Variants in BBS9 observed in about 807,000 individuals in gnomAD.
BBS9 encodes Bardet-Biedl syndrome 9.
In BBS9, 89 loss-of-function variants were observed where a neutral mutation model predicts 117.7. The observed-to-expected ratio is 0.76, with a 90% CI of 0.64 to 0.90. The LOEUF (loss-of-function observed/expected upper bound fraction) is 0.90, where lower values mean the gene tolerates loss of function less well. Among genes scored for constraint, BBS9 ranks in the 40% least tolerant of loss-of-function variants. The pLI, the probability that BBS9 is intolerant of heterozygous loss-of-function variation, is 0.00. For synonymous variants in BBS9, 379 were observed against 370.9 expected (o/e 1.02, Z -0.25); for missense variants, 982 against 1,042.2 (o/e 0.94, Z 0.80).
chr7:33,299,768 A>G (rs1311302148), intron 9 of BBS9, among the ~76,000 whole-genome samples: 6 of 152,122 alleles, frequency 3.9e-5, no homozygotes, highest in Admixed American at 3.3e-4. Flanking sequence ...AGGTACTACT[A>G]GTATTTTTTT....
intron 20 of BBS9, among the ~76,000 whole-genome samples, chr7:33,515,586 A>T (rs753171806): frequency 6.6e-6 from 1 of 152,250 alleles, no homozygotes; most frequent in African/African-American, 2.4e-5. Flanking sequence ...AAAGTCAGCA[A>T]GAAATTTTAG....
At chr7:33,405,241 G>T (rs938255168) in intron 19 of BBS9, among the ~76,000 whole-genome samples, 16 of 152,158 alleles carry the variant, frequency 1.1e-4, no homozygotes, top group African/African-American at 3.9e-4. Context: ...GCTGTATTCG[G>T]TTTGCCAGTA....
At chr7:33,295,292 T>G (rs1805028637) in intron 9 of BBS9, among the ~76,000 whole-genome samples, 1 of 152,110 alleles carries the variant, frequency 6.6e-6, no homozygotes, top group Non-Finnish European at 1.5e-5. Flanking sequence ...ATACACAATT[T>G]TTGGTACTTA....
chr7:33,323,920 C>T (rs1182381048), intron 9 of BBS9, among the ~76,000 whole-genome samples: 2 of 150,404 alleles, frequency 1.3e-5, no homozygotes, highest in East Asian at 3.9e-4. Flanking sequence ...TCACTGCAAC[C>T]TCTGCCTCAC....
intron 5 of BBS9, among the ~76,000 whole-genome samples, chr7:33,246,327 TGG>T (rs779235831): frequency 1.1e-4 from 16 of 151,886 alleles, no homozygotes; most frequent in Non-Finnish European, 1.8e-4. Context: ...ATTAATTAAT[TGG>T]TCACAGTGAG....
At position 33,605,411 on chromosome 7, in the gene BBS9, G is replaced by T; in HGVS notation, c.*185G>T. 1 of 659,218 alleles carries T rather than the reference G, an allele frequency of 1.5e-6. No individual in the cohort carries two copies. The highest frequency in any genetic ancestry group is 2.5e-5 in the Admixed American group (1 of 40,336). The allele number at this position is 659,218 out of a possible 1,614,324, so 40.8% of individuals were successfully genotyped here. A position where few individuals can be genotyped will look rare whatever the true frequency, so the allele number is the denominator to read the frequency against. ...TCACTAGGAGAACTTGTAACACCAT[G>T]GGGAAGTCAGCTGAAACTTGTCTTG... On this transcript the variant is annotated 3_prime_UTR_variant, in exon 23 of 23. Transcript: ENST00000242067.
intron 10 of BBS9, among the ~76,000 whole-genome samples, chr7:33,339,636 T>G (rs1291822570): frequency 1.3e-5 from 2 of 152,108 alleles, no homozygotes; most frequent in Admixed American, 1.3e-4. Context: ...ATTCTAGGTG[T>G]TATGTGCAGA....
rs1851035876 is a variant in BBS9 at position 33,534,290 on chromosome 7, A to G, written c.2521+114A>G. The G allele has an allele frequency of 3.5e-6, 4 of 1,149,688 alleles. No individual in the cohort carries two copies. In the South Asian group the frequency reaches 5.3e-5, roughly 15 times the overall value. 71.2% of individuals were successfully genotyped at this position (1,149,688 alleles called of 1,614,324 possible). ...TCATATTAAAGTGATGATAGCCAAG[A>G]AAATTGATTTCACGTTTCCCCTCTG... is the stretch of plus-strand genomic sequence containing the variant. On this transcript the variant is annotated intron_variant, in intron 21 of 22. Transcript: ENST00000242067.
chr7:33,594,673 C>T (rs1862446915), intron 21 of BBS9, among the ~76,000 whole-genome samples: 1 of 152,054 alleles, frequency 6.6e-6, no homozygotes, highest in East Asian at 1.9e-4. Flanking sequence ...ATAAGTCTTC[C>T]AGTCTTACCT....
At chr7:33,321,714 T>C (rs1811748646) in intron 9 of BBS9, among the ~76,000 whole-genome samples, 1 of 152,116 alleles carries the variant, frequency 6.6e-6, no homozygotes, top group African/African-American at 2.4e-5. Context: ...ACTTTATTTC[T>C]TTGTCTTGTT....
chr7:33,455,351 C>T (rs17170253), intron 19 of BBS9, among the ~76,000 whole-genome samples: 26,288 of 152,066 alleles, frequency 0.17, 2,509 homozygotes, highest in South Asian at 0.21. Context: ...GATGAGATAG[C>T]GATTCTGGGC....
chr7:33,184,661 T>C (rs1217441224), intron 5 of BBS9, among the ~76,000 whole-genome samples: 3 of 152,186 alleles, frequency 2.0e-5, no homozygotes, highest in Non-Finnish European at 2.9e-5. Context: ...CTGCATTCTG[T>C]TTCCTTTGGG....
At chr7:33,240,638 A>G (rs1794347488) in intron 5 of BBS9, among the ~76,000 whole-genome samples, 1 of 152,190 alleles carries the variant, frequency 6.6e-6, no homozygotes, top group Non-Finnish European at 1.5e-5. Context: ...GAGTTCCATG[A>G]AAAAAATTGT....
chr7:33,268,924 G>T (rs1217072745), intron 7 of BBS9, among the ~76,000 whole-genome samples: 2 of 152,178 alleles, frequency 1.3e-5, no homozygotes, highest in East Asian at 3.8e-4. Flanking sequence ...AAATATAACT[G>T]TCATGGGACT....
At chr7:33,545,575 C>T (rs1381788339) in intron 21 of BBS9, among the ~76,000 whole-genome samples, 1 of 152,060 alleles carries the variant, frequency 6.6e-6, no homozygotes, top group African/African-American at 2.4e-5. Flanking sequence ...GTCTTGCTTC[C>T]TTGAGGGAGT....
chr7:33,161,590 T>C (rs564634909), intron 4 of BBS9, among the ~76,000 whole-genome samples: 5 of 152,222 alleles, frequency 3.3e-5, no homozygotes, highest in East Asian at 1.9e-4. Context: ...TACGTATACA[T>C]GTGTCTTTAT....
intron 1 of BBS9, among the ~76,000 whole-genome samples, chr7:33,131,280 G>A (rs1369374710): frequency 6.6e-6 from 1 of 152,154 alleles, no homozygotes; most frequent in East Asian, 1.9e-4. Context: ...CTTGCTATGG[G>A]TTGAGCCATT....
chr7:33,283,290 A>G (rs896433070), intron 9 of BBS9, among the ~76,000 whole-genome samples: 3 of 152,034 alleles, frequency 2.0e-5, no homozygotes, highest in Non-Finnish European at 2.9e-5. Flanking sequence ...AGGTAGCTTA[A>G]TTTTTTTTAA....
chr7:33,164,658 C>CT (rs931576319), intron 4 of BBS9, among the ~76,000 whole-genome samples: 4 of 151,874 alleles, frequency 2.6e-5, no homozygotes, highest in Admixed American at 6.6e-5. Context: ...GCAACCCCTG[C>CT]TTTTTTTTGT....
Sources: allele counts gnomAD v4.1 joint callset (sites outside exome capture counted in the v4.1 genomes callset), GRCh38; gene constraint gnomAD v4.1.1; transcripts MANE v1.5; gene names NCBI Gene and HGNC (gene_info 2026-07-23, HGNC 2026-07-21).